AFG2A: variants seen among roughly 807,000 people sequenced by gnomAD.
AFG2A encodes ATPase family gene 2 protein homolog A.
the AFG2A span, among the ~76,000 whole-genome samples, chr4:123,005,711 T>A: frequency 6.6e-6 from 1 of 152,218 alleles, no homozygotes; most frequent in Non-Finnish European, 1.5e-5. Context: ...GTTCAGTATA[T>A]TTTAGAATTT....
chr4:123,212,372 T>C, the AFG2A span, among the ~76,000 whole-genome samples: 2 of 152,176 alleles, frequency 1.3e-5, no homozygotes, highest in African/African-American at 2.4e-5. Context: ...TCTTAACTGT[T>C]TCAGTTGTTC....
At chr4:123,152,277 C>T in the AFG2A span, among the ~76,000 whole-genome samples, 8 of 152,032 alleles carry the variant, frequency 5.3e-5, no homozygotes, top group East Asian at 3.9e-4. Flanking sequence ...ATTCTGCACA[C>T]GTATCCCAGA....
chr4:123,209,709 C>T, the AFG2A span, among the ~76,000 whole-genome samples: 2 of 150,754 alleles, frequency 1.3e-5, no homozygotes, highest in Non-Finnish European at 2.9e-5. Flanking sequence ...ACCTCAGCTT[C>T]CTGAGTAGCT....
At chr4:122,966,105 A>G in the AFG2A span, among the ~76,000 whole-genome samples, 1 of 152,142 alleles carries the variant, frequency 6.6e-6, no homozygotes, top group Non-Finnish European at 1.5e-5. Flanking sequence ...TATATTTAAC[A>G]TTTAATTCAT....
At chr4:122,985,125 C>CT in the AFG2A span, among the ~76,000 whole-genome samples, 1,308 of 138,634 alleles carry the variant, frequency 9.4e-3, 14 homozygotes, top group African/African-American at 0.029. Context: ...TTTTTTTTTT[C>CT]TTTTTTTTTT....
chr4:123,180,012 G>A, the AFG2A span, among the ~76,000 whole-genome samples: 1 of 152,042 alleles, frequency 6.6e-6, no homozygotes. Context: ...TTGAGGTAAG[G>A]CATTCGAGAC....
chr4:123,069,111 T>C, the AFG2A span, among the ~76,000 whole-genome samples: 1 of 152,182 alleles, frequency 6.6e-6, no homozygotes, highest in Non-Finnish European at 1.5e-5. Context: ...TAGATATTCT[T>C]TTTAATATAG....
At chr4:123,296,750 A>G in the AFG2A span, among the ~76,000 whole-genome samples, 1 of 152,212 alleles carries the variant, frequency 6.6e-6, no homozygotes, top group Non-Finnish European at 1.5e-5. Context: ...TGAATTTTCT[A>G]TCGTTAAAAA....
the AFG2A span, among the ~76,000 whole-genome samples, chr4:123,247,205 G>C: frequency 6.9e-6 from 1 of 144,884 alleles, no homozygotes; most frequent in Non-Finnish European, 1.5e-5. Context: ...TGTAAAGGGT[G>C]TGTGTGCTTA....
chr4:123,219,612 G>A, the AFG2A span, among the ~76,000 whole-genome samples: 14,976 of 152,186 alleles, frequency 0.098, 1,266 homozygotes, highest in East Asian at 0.45. Flanking sequence ...TGAATAATAT[G>A]TGTGCTCTTA....
chr4:122,947,228 G>A, the AFG2A span: 1 of 1,519,088 alleles, frequency 6.6e-7, no homozygotes, highest in South Asian at 1.3e-5. Flanking sequence ...ATTTTATTTT[G>A]TTAGGAAGTA....
chr4:123,100,007 A>G, the AFG2A span, among the ~76,000 whole-genome samples: 1 of 151,868 alleles, frequency 6.6e-6, no homozygotes, highest in Non-Finnish European at 1.5e-5. Context: ...TTAATATTAG[A>G]GAAAGTAATA....
At chr4:123,038,163 C>G in the AFG2A span, among the ~76,000 whole-genome samples, 1 of 152,056 alleles carries the variant, frequency 6.6e-6, no homozygotes, top group Non-Finnish European at 1.5e-5. Flanking sequence ...AGACTTGTAT[C>G]CCAGTTCTGC....
chr4:123,095,042 A>ATAT, the AFG2A span, among the ~76,000 whole-genome samples: 1 of 114,116 alleles, frequency 8.8e-6, no homozygotes, highest in Non-Finnish European at 1.8e-5. Context: ...AAAAAAAAAA[A>ATAT]ATATATATAT....
chr4:123,053,010 A>C, the AFG2A span, among the ~76,000 whole-genome samples: 1,836 of 152,280 alleles, frequency 0.012, 42 homozygotes, highest in African/African-American at 0.041. Flanking sequence ...AAGACTCAGC[A>C]AGCCGGCTTA....
the AFG2A span, among the ~76,000 whole-genome samples, chr4:123,102,794 C>T: frequency 1.9e-5 from 2 of 106,012 alleles, no homozygotes; most frequent in Non-Finnish European, 3.9e-5. Context: ...TTGTTCCTGG[C>T]ATTCTGTGTG....
chr4:123,083,559 C>CTT, the AFG2A span, among the ~76,000 whole-genome samples: 5 of 132,882 alleles, frequency 3.8e-5, no homozygotes, highest in Non-Finnish European at 3.3e-5. Flanking sequence ...TATAATTATT[C>CTT]TTTTTTTTTT....
At chr4:123,232,898 T>C in the AFG2A span, among the ~76,000 whole-genome samples, 1 of 152,044 alleles carries the variant, frequency 6.6e-6, no homozygotes, top group Non-Finnish European at 1.5e-5. Context: ...AGCATCACAA[T>C]GAAATCATGA....
the AFG2A span, among the ~76,000 whole-genome samples, chr4:123,195,592 C>A: frequency 6.6e-6 from 1 of 152,058 alleles, no homozygotes; most frequent in African/African-American, 2.4e-5. Flanking sequence ...TCGAGTTTAA[C>A]AACATATCTT....
Sources: allele counts gnomAD v4.1 joint callset (sites outside exome capture counted in the v4.1 genomes callset), GRCh38; gene constraint gnomAD v4.1.1; transcripts MANE v1.5; gene names NCBI Gene and HGNC (gene_info 2026-07-23, HGNC 2026-07-21).